The following IGFBPL1 variants were observed in gnomAD, a reference collection of about 807,000 sequenced individuals.
The protein encoded by IGFBPL1 is insulin like growth factor binding protein like 1, also known as insulin-like growth factor-binding protein-like 1.
In IGFBPL1, 20 loss-of-function variants were observed where a neutral mutation model predicts 23.9. The ratio of observed to expected loss-of-function variants is 0.84; its 90% confidence interval spans 0.59 to 1.22. The LOEUF (loss-of-function observed/expected upper bound fraction) is 1.22. Among genes scored for constraint, IGFBPL1 ranks in the 50% most tolerant of loss-of-function variants. IGFBPL1 has a pLI of 0.00. For synonymous variants in IGFBPL1, 184 were observed against 171.8 expected (o/e 1.07, Z -0.56); for missense variants, 436 against 379.3 (o/e 1.15, Z -1.24).
At chr9:38,422,812 G>T (rs1214906067) in intron 1 of IGFBPL1, among the ~76,000 whole-genome samples, 1 of 152,116 alleles carries the variant, frequency 6.6e-6, no homozygotes, top group Non-Finnish European at 1.5e-5. Flanking sequence ...CCTGGACTTG[G>T]GTACATCTAC....
chr9:38,423,895 C>A, intron 1 of IGFBPL1, 70 bp downstream of exon 1: 1 of 1,276,356 alleles, frequency 7.8e-7, no homozygotes, highest in South Asian at 2.4e-5. Flanking sequence ...GCAGGGGGAT[C>A]CTTCGCTCCA....
chr9:38,410,850 T>C (rs114771017), intron 4 of IGFBPL1, among the ~76,000 whole-genome samples: 1,996 of 152,336 alleles, frequency 0.013, 48 homozygotes, highest in African/African-American at 0.046. Context: ...CTAGGAGGCC[T>C]TGACCAGAGG....
At chr9:38,419,439 C>T (rs1241251663) in intron 1 of IGFBPL1, among the ~76,000 whole-genome samples, 2 of 152,164 alleles carry the variant, frequency 1.3e-5, no homozygotes, top group Admixed American at 6.5e-5. Context: ...TGCGCTGCCT[C>T]TCCTGGTTAC....
chr9:38,424,126 GGCGC>G lies in IGFBPL1; in HGVS notation c.295_298del (p.Ala99ProfsTer79). The G allele has an allele frequency of 7.9e-7, 1 of 1,264,690 alleles. No homozygotes were observed. The highest frequency in any genetic ancestry group is 3.3e-5 in the East Asian group (1 of 30,258). The allele number at this position is 1,264,690 out of a possible 1,614,324, so 78.3% of individuals were successfully genotyped here. On this transcript the variant is annotated frameshift_variant, in exon 1 of 5. Coordinates refer to ENST00000377694, the MANE Select transcript of IGFBPL1 (RefSeq NM_001007563.3). LOFTEE classifies it high-confidence loss of function. ...GCACACGCAGAGCCCGGTGCCCTCG[GGCGC>G]TGCCCCAGCGGCCTGGCTCGCGCAT... is the stretch of plus-strand genomic sequence containing the variant.
chr9:38,416,077 A>G (rs763899087), intron 1 of IGFBPL1, among the ~76,000 whole-genome samples: 9 of 152,124 alleles, frequency 5.9e-5, no homozygotes, highest in Non-Finnish European at 1.3e-4. Context: ...TGACAAAGAC[A>G]GTCTAATTTA....
At chr9:38,423,782 G>C (rs1334075304) in intron 1 of IGFBPL1, among the ~76,000 whole-genome samples, 183 bp downstream of exon 1, 2 of 152,200 alleles carry the variant, frequency 1.3e-5, no homozygotes, top group South Asian at 2.1e-4. Context: ...AGTGAGTGGC[G>C]TCTCCAAGGA....
chr9:38,424,428 T>C lies in IGFBPL1; in HGVS notation c.-4A>G. 1.7e-6 allele frequency: 1 copy of C among 578,174 alleles called. No individual in the cohort carries two copies. Among genetic ancestry groups the C allele is most frequent in the Non-Finnish European group, 3.1e-6 (1 of 323,712 alleles). The allele number at this position is 578,174 out of a possible 1,614,324, so 35.8% of individuals were successfully genotyped here. ...AGAGCAGAGACAAGCGCGGCATGGC[T>C]TGCTCCGGGACAGCGGCGGCGCCTC... On this transcript the variant is annotated 5_prime_UTR_variant, in exon 1 of 5. Coordinates refer to ENST00000377694, the MANE Select transcript of IGFBPL1 (RefSeq NM_001007563.3).
rs985586228 is a variant in IGFBPL1, at chr9:38,406,730, G to A, written c.*2497C>T. Reference sequence around the variant, plus strand: ...CTCACACTTGAAAAACCATGAGGTTGGAACAATCATGTTAATGCGCCTTTT... The same window carrying A: ...CTCACACTTGAAAAACCATGAGGTTAGAACAATCATGTTAATGCGCCTTTT... On this transcript the variant is annotated 3_prime_UTR_variant, in exon 5 of 5. Transcript: ENST00000377694. 2.0e-5 allele frequency among the ~76,000 whole-genome samples: 3 copies of A among 152,128 alleles called. No homozygotes were observed. Among genetic ancestry groups the A allele is most frequent in the Non-Finnish European group, 2.9e-5 (2 of 68,008 alleles).
At chr9:38,423,892 G>A in intron 1 of IGFBPL1, 73 bp downstream of exon 1, 1 of 1,267,488 alleles carries the variant, frequency 7.9e-7, no homozygotes, top group Non-Finnish European at 1.0e-6. Flanking sequence ...TGGGCAGGGG[G>A]ATCCTTCGCT....
At chr9:38,422,476 TA>T (rs1821693430) in intron 1 of IGFBPL1, among the ~76,000 whole-genome samples, 1 of 152,176 alleles carries the variant, frequency 6.6e-6, no homozygotes, top group South Asian at 2.1e-4. Context: ...AAAGCAGTTA[TA>T]AAAACGAGTG....
intron 4 of IGFBPL1, among the ~76,000 whole-genome samples, chr9:38,410,091 C>T (rs1013264595): frequency 6.6e-6 from 1 of 152,096 alleles, no homozygotes; most frequent in African/African-American, 2.4e-5. Context: ...TTTGAGAAAC[C>T]CTATCAGACT....
intron 1 of IGFBPL1, among the ~76,000 whole-genome samples, chr9:38,419,109 A>G (rs897622431): frequency 6.6e-6 from 1 of 152,080 alleles, no homozygotes. Context: ...CTCGTCAATT[A>G]TATCGATCAT....
chr9:38,411,336 C>T, intron 4 of IGFBPL1, 55 bp downstream of exon 4: 1 of 1,476,762 alleles, frequency 6.8e-7, no homozygotes, highest in Non-Finnish European at 9.2e-7. Flanking sequence ...TATAAGCCAC[C>T]TCAAATATCT....
At chr9:38,423,856 G>A in intron 1 of IGFBPL1, 109 bp downstream of exon 1, 1 of 1,075,834 alleles carries the variant, frequency 9.3e-7, no homozygotes, top group Non-Finnish European at 1.2e-6. Flanking sequence ...AGGGGAAACT[G>A]AGTGCCAGGC....
At position 38,408,424 on chromosome 9, in the gene IGFBPL1, T is replaced by C. The variant is rs529209535; in HGVS notation, c.*803A>G. Among the ~76,000 whole-genome samples the C allele has an allele frequency of 1.3e-5, 2 of 152,158 alleles. No individual in the cohort carries two copies. Among genetic ancestry groups the C allele is most frequent in the Non-Finnish European group, 2.9e-5 (2 of 67,996 alleles). ...GCCTGGGTGATAGAGCGAGACCCTG[T>C]CTCAAAATAAAATTTTAAAAAAGAG... On this transcript the variant is annotated 3_prime_UTR_variant, in exon 5 of 5. Transcript: ENST00000377694.
At position 38,413,243 on chromosome 9, in the gene IGFBPL1, C is replaced by T. The variant is rs752425359; in HGVS notation, c.681G>A (p.Trp227Ter). 1.2e-6 allele frequency: 2 copies of T among 1,605,530 alleles called. No homozygotes were observed. The highest frequency in any genetic ancestry group is 1.7e-5 in the Admixed American group (1 of 59,966). ...AATAATCCTAAACACTCACCAAAAT[C>T]CAGGCCGTGGCCTCATGGTCAGAAG... ...GGPSDHEATAWILINPLRKED... is the reference protein window; with the variant it reads ...GGPSDHEATA The change falls in exon 3 of 5, where the codon TGG (tryptophan) becomes TGA (stop). Residue 227 changes from tryptophan (W) to a stop codon, truncating the protein, a stop_gained. Transcript: ENST00000377694. LOFTEE classifies it high-confidence loss of function.
At chr9:38,417,103 G>A (rs1388460122) in intron 1 of IGFBPL1, among the ~76,000 whole-genome samples, 1 of 152,012 alleles carries the variant, frequency 6.6e-6, no homozygotes, top group East Asian at 1.9e-4. Flanking sequence ...CTAGCACAGC[G>A]CTCGCTGTGT....
intron 1 of IGFBPL1, among the ~76,000 whole-genome samples, chr9:38,417,258 C>T (rs1821612638): frequency 6.6e-6 from 1 of 152,162 alleles, no homozygotes. Context: ...GGCTCCAGAT[C>T]CCAAGCTCTT....
chr9:38,410,332 A>T (rs554055695), intron 4 of IGFBPL1, among the ~76,000 whole-genome samples: 65 of 152,098 alleles, frequency 4.3e-4, no homozygotes, highest in South Asian at 3.7e-3. Flanking sequence ...AATACAAAAA[A>T]ATTAGCCAGG....
Sources: allele counts gnomAD v4.1 joint callset (sites outside exome capture counted in the v4.1 genomes callset), GRCh38; gene constraint gnomAD v4.1.1; transcripts MANE v1.5; gene names NCBI Gene and HGNC (gene_info 2026-07-23, HGNC 2026-07-21).